The following KRR1 variants were observed in gnomAD, a reference collection of about 807,000 sequenced individuals.
KRR1 encodes the protein KRR1 small subunit processome component homolog.
A neutral mutation model predicts 50.0 loss-of-function variants in KRR1; 23 were observed. The observed-to-expected ratio is 0.46, with a 90% CI of 0.33 to 0.65. The LOEUF is 0.65. Ranked by LOEUF, KRR1 falls within the 30% of genes least tolerant of loss-of-function variation. KRR1 has a pLI of 0.02. For synonymous variants in KRR1, 133 were observed against 146.3 expected (o/e 0.91, Z 0.66); for missense variants, 419 against 442.4 (o/e 0.95, Z 0.47).
At chr12:75,503,864 T>A in intron 7 of KRR1, 40 bp downstream of exon 7, 6 of 1,535,054 alleles carry the variant, frequency 3.9e-6, no homozygotes, top group Non-Finnish European at 5.3e-6. Context: ...TACATTAAAA[T>A]AGATTCTCCT....
rs1566101459 is a variant in KRR1 at position 75,498,800 on chromosome 12, G to GAAA, written c.*1008_*1009insTTT. Reference sequence around the variant, plus strand: ...GCATTATGAGGAACAATGTCTAAGAGGATATTCTATGTTTGTTTCACAGGT... The same window carrying GAAA: ...GCATTATGAGGAACAATGTCTAAGAGAAAGATATTCTATGTTTGTTTCACAGGT... On this transcript the variant is annotated 3_prime_UTR_variant, in exon 10 of 10. Transcript: ENST00000229214. The GAAA allele has an allele frequency of 6.2e-7, 1 of 1,611,790 alleles. No individual in the cohort carries two copies. The highest frequency in any genetic ancestry group is 1.7e-5 in the Admixed American group (1 of 59,936).
At chr12:75,504,731 G>C (rs1161865703) in intron 6 of KRR1, among the ~76,000 whole-genome samples, 1 of 151,972 alleles carries the variant, frequency 6.6e-6, no homozygotes, top group Non-Finnish European at 1.5e-5. Flanking sequence ...ATCAAACTTT[G>C]TGCACACAGG....
chr12:75,498,665 T>C lies in KRR1; in HGVS notation c.*1144A>G, dbSNP rs2046367216. 2.5e-6 allele frequency: 4 copies of C among 1,595,924 alleles called. No homozygotes were observed. Among genetic ancestry groups the C allele is most frequent in the Non-Finnish European group, 3.4e-6 (4 of 1,163,724 alleles). ...CTCAACTGTGTCTACCCTTTTAATT[T>C]TTTTTCTTTCTTCCCCCTAACTTTA... On this transcript the variant is annotated 3_prime_UTR_variant, in exon 10 of 10. Coordinates refer to ENST00000229214, the MANE Select transcript of KRR1 (RefSeq NM_007043.7).
chr12:75,506,701 C>T, intron 3 of KRR1, 81 bp downstream of exon 3: 2 of 1,551,660 alleles, frequency 1.3e-6, no homozygotes, highest in Non-Finnish European at 1.7e-6. Flanking sequence ...TACCTAAGCA[C>T]AAATATGAAA....
rs532686349 is a variant in KRR1, at chr12:75,491,341, A to G, written c.*8468T>C. ...GTCAGCAACCTGCCCAAAGTTCTAC[A>G]GTTAGTGACTATCACTGATGGACTT... is the stretch of plus-strand genomic sequence containing the variant. On this transcript the variant is annotated 3_prime_UTR_variant, in exon 10 of 10. Coordinates refer to ENST00000229214, the MANE Select transcript of KRR1 (RefSeq NM_007043.7). 1.3e-5 allele frequency: 2 copies of G among 152,338 alleles called. No homozygotes were observed. Among genetic ancestry groups the G allele is most frequent in the South Asian group, 2.1e-4 (1 of 4,832 alleles). The allele number at this position is 152,338 out of a possible 1,614,324, so 9.4% of individuals were successfully genotyped here.
Position 75,498,744 on chromosome 12 carries a change from TTTCA to T in KRR1, c.*1061_*1064del. 6.2e-7 allele frequency: 1 copy of T among 1,609,818 alleles called. No individual in the cohort carries two copies. The highest frequency in any genetic ancestry group is 8.5e-7 in the Non-Finnish European group (1 of 1,176,294). On this transcript the variant is annotated 3_prime_UTR_variant, in exon 10 of 10. Coordinates refer to ENST00000229214, the MANE Select transcript of KRR1 (RefSeq NM_007043.7). ...ACGTACGTACATCAATCTTAAATTG[TTTCA>T]TTAAGAGCTATGTGAATTCTGTCAG...
At chr12:75,504,216 C>G (rs1295558903) in intron 6 of KRR1, 142 bp from the exon 7 acceptor site, 1 of 488,528 alleles carries the variant, frequency 2.0e-6, no homozygotes, top group Non-Finnish European at 3.5e-6. Context: ...ATTACATAAG[C>G]AAAAAGGTAG....
chr12:75,507,451 G>C (rs910618315), intron 2 of KRR1, among the ~76,000 whole-genome samples: 1 of 151,992 alleles, frequency 6.6e-6, no homozygotes, highest in Non-Finnish European at 1.5e-5. Flanking sequence ...TCAACAAAGC[G>C]AATTAAAATG....
At chr12:75,503,479 T>C (rs1463494879) in intron 7 of KRR1, 2 of 151,398 alleles carry the variant, frequency 1.3e-5, no homozygotes, top group African/African-American at 4.9e-5. Context: ...GGAAAGGAAA[T>C]GAAGCAGAAG....
chr12:75,511,398 C>T (rs1566107222), intron 1 of KRR1, 115 bp downstream of exon 1: 1 of 873,228 alleles, frequency 1.1e-6, no homozygotes, highest in Non-Finnish European at 1.9e-6. Flanking sequence ...TATTCAGGTA[C>T]TCAACTACAC....
chr12:75,499,238 C>A lies in KRR1; in HGVS notation c.*571G>T, dbSNP rs1044509466. ...ACCCATGTTTCAGCTTCTAAATCTG[C>A]AAAATGAGCAAGGTACAGTAGCACA... On this transcript the variant is annotated 3_prime_UTR_variant, in exon 10 of 10. Transcript: ENST00000229214. The A allele has an allele frequency of 6.9e-6, 2 of 287,898 alleles. No homozygotes were observed. Among genetic ancestry groups the A allele is most frequent in the Admixed American group, 5.1e-5 (1 of 19,470 alleles). The allele number at this position is 287,898 out of a possible 1,614,324, so 17.8% of individuals were successfully genotyped here.
chr12:75,510,823 C>T (rs749167406), intron 1 of KRR1, among the ~76,000 whole-genome samples: 3 of 152,202 alleles, frequency 2.0e-5, no homozygotes, highest in Non-Finnish European at 4.4e-5. Context: ...ACTTTGAATA[C>T]TTTCCCAATG....
Position 75,494,105 on chromosome 12 carries a change from T to C in KRR1, c.*5704A>G, listed in dbSNP as rs1333162961. ...TGGTGTAGAGTAAGCAGAGGGCTAA[T>C]TAAATTTCTGAAGCAACTTAAAATT... On this transcript the variant is annotated 3_prime_UTR_variant, in exon 10 of 10. Transcript: ENST00000229214. The C allele has an allele frequency of 6.6e-6, 1 of 152,130 alleles. No homozygotes were observed. Among genetic ancestry groups the C allele is most frequent in the African/African-American group, 2.4e-5 (1 of 41,430 alleles). 9.4% of individuals were successfully genotyped at this position (152,130 alleles called of 1,614,324 possible).
chr12:75,500,303 T>C (rs1272383623), intron 9 of KRR1: 2 of 155,858 alleles, frequency 1.3e-5, no homozygotes, highest in African/African-American at 2.4e-5. Flanking sequence ...TTCTTTTCCA[T>C]ATTTTGGAAC....
intron 9 of KRR1, 81 bp from the exon 10 acceptor site, chr12:75,500,032 A>T: frequency 8.7e-7 from 1 of 1,143,640 alleles, no homozygotes; most frequent in Non-Finnish European, 1.2e-6. Flanking sequence ...AACAAAGAAT[A>T]TATGTTTAAG....
Position 75,501,940 on chromosome 12 carries a change from T to G in KRR1, c.892A>C (p.Lys298Gln), listed in dbSNP as rs764714445. The G allele has an allele frequency of 6.2e-7, 1 of 1,612,698 alleles. No homozygotes were observed. Among genetic ancestry groups the G allele is most frequent in the South Asian group, 1.1e-5 (1 of 91,038 alleles). The change falls in exon 8 of 10, where the codon AAA becomes CAA. Residue 298 changes from lysine to glutamine, a missense_variant. By Grantham distance (53) the Lys-to-Gln change is moderately conservative. Transcript: ENST00000229214. ...TGCCGTACCTTTATTGCTTCCATTTTCTGCCGCTTCTTCTGATTTGCCTTC... is the reference window on the plus strand; with the variant it reads ...TGCCGTACCTTTATTGCTTCCATTTGCTGCCGCTTCTTCTGATTTGCCTTC... ...FLKANQKKRQ[K>Q]MEAIKAKQAE...
Position 75,498,491 on chromosome 12 carries a change from A to AAAG in KRR1, c.*1315_*1317dup, listed in dbSNP as rs142335529. 5,381 of 513,072 alleles carry AAAG rather than the reference A, an allele frequency of 0.01. 232 individuals are homozygous for AAAG. Among genetic ancestry groups the AAAG allele is most frequent in the African/African-American group, 0.095 (4,897 of 51,550 alleles). The allele number at this position is 513,072 out of a possible 1,614,324, so 31.8% of individuals were successfully genotyped here. On this transcript the variant is annotated 3_prime_UTR_variant, in exon 10 of 10. Transcript: ENST00000229214. Reference sequence around the variant, plus strand: ...AGTTTCCTTTTTATAAAAGGTTTATAAAGTTTATGTAAAAAGTCAACTTAA... The same window carrying AAAG: ...AGTTTCCTTTTTATAAAAGGTTTATAAAGAAGTTTATGTAAAAAGTCAACTTAA...
Position 75,495,361 on chromosome 12 carries a change from G to A in KRR1, c.*4448C>T, listed in dbSNP as rs2046344042. On this transcript the variant is annotated 3_prime_UTR_variant, in exon 10 of 10. Transcript: ENST00000229214. ...AGCTGTCACAATTAAATGGGATGCA[G>A]ATTAAAACAGGTGCATAGACACAGG... is the stretch of plus-strand genomic sequence containing the variant. 3 of 449,922 alleles carry A rather than the reference G, an allele frequency of 6.7e-6. No individual in the cohort carries two copies. The highest frequency in any genetic ancestry group is 8.1e-6 in the Non-Finnish European group (2 of 246,490). The allele number at this position is 449,922 out of a possible 1,614,324, so 27.9% of individuals were successfully genotyped here.
At position 75,496,589 on chromosome 12, in the gene KRR1, G is replaced by T. The variant is rs1209700167; in HGVS notation, c.*3220C>A. On this transcript the variant is annotated 3_prime_UTR_variant, in exon 10 of 10. Transcript: ENST00000229214. ...CCAGTATGTTTTTTTACCATGGTGT[G>T]AAGGGGAAACTTCAATTAAGCTGTG... is the stretch of plus-strand genomic sequence containing the variant. The T allele has an allele frequency of 6.6e-6, 1 of 152,052 alleles. No homozygotes were observed. Among genetic ancestry groups the T allele is most frequent in the Non-Finnish European group, 1.5e-5 (1 of 68,020 alleles). 9.4% of individuals were successfully genotyped at this position (152,052 alleles called of 1,614,324 possible).
Sources: gnomAD v4.1 joint callset for allele counts (sites outside exome capture counted in the v4.1 genomes callset) on GRCh38, gnomAD v4.1.1 for gene constraint, MANE v1.5 for transcripts, NCBI Gene and HGNC (gene_info 2026-07-23, HGNC 2026-07-21) for gene names.